The following AGBL4 variants were observed in gnomAD, a reference collection of about 807,000 sequenced individuals.
The protein encoded by AGBL4 is cytosolic carboxypeptidase 6.
AGBL4 carries 58 observed loss-of-function variants against 66.4 expected under a neutral mutation model. That is an observed-to-expected ratio of 0.87 (90% CI 0.71 to 1.09). The LOEUF is 1.09. AGBL4 is among the 50% of genes least tolerant of loss of function. AGBL4 has a pLI of 0.00. For synonymous variants in AGBL4, 234 were observed against 222.9 expected (o/e 1.05, Z -0.44); for missense variants, 579 against 631.0 (o/e 0.92, Z 0.88).
chr1:49,407,101 A>C (rs1438335447), intron 3 of AGBL4, among the ~76,000 whole-genome samples: 1 of 150,624 alleles, frequency 6.6e-6, no homozygotes, highest in Non-Finnish European at 1.5e-5. Context: ...AGAAAGGACA[A>C]ATTTTTTTCT....
At chr1:49,908,748 T>C (rs1650522138) in intron 1 of AGBL4, among the ~76,000 whole-genome samples, 2 of 152,054 alleles carry the variant, frequency 1.3e-5, no homozygotes. Context: ...GGTGACAGAA[T>C]GAGACCCTGT....
chr1:49,902,827 C>A (rs189626205), intron 1 of AGBL4, among the ~76,000 whole-genome samples: 1 of 152,218 alleles, frequency 6.6e-6, no homozygotes, highest in East Asian at 1.9e-4. Flanking sequence ...GTCAGAATGG[C>A]TATTATTTTT....
At chr1:48,614,542 T>C (rs910015296) in intron 9 of AGBL4, among the ~76,000 whole-genome samples, 1 of 152,212 alleles carries the variant, frequency 6.6e-6, no homozygotes, top group African/African-American at 2.4e-5. Context: ...CTAGAGAAGG[T>C]GCCTGCACAC....
At chr1:49,710,170 G>T (rs1267269306) in intron 2 of AGBL4, among the ~76,000 whole-genome samples, 1 of 152,136 alleles carries the variant, frequency 6.6e-6, no homozygotes, top group Non-Finnish European at 1.5e-5. Context: ...GTTCACAATA[G>T]CAAAGACTTG....
At chr1:49,577,730 T>G (rs1165398347) in intron 3 of AGBL4, among the ~76,000 whole-genome samples, 2 of 152,240 alleles carry the variant, frequency 1.3e-5, no homozygotes, top group Admixed American at 1.3e-4. Context: ...GCTCATGGAA[T>G]TCACTGGTCT....
intron 3 of AGBL4, among the ~76,000 whole-genome samples, chr1:49,625,173 A>C (rs1373409148): frequency 1.3e-5 from 2 of 152,132 alleles, no homozygotes; most frequent in Non-Finnish European, 2.9e-5. Context: ...AAGCCACATC[A>C]TTTAAGATTT....
chr1:48,633,584 TCA>T, intron 9 of AGBL4, among the ~76,000 whole-genome samples: 1 of 152,318 alleles, frequency 6.6e-6, no homozygotes, highest in Non-Finnish European at 1.5e-5. Flanking sequence ...AGCTCACAGC[TCA>T]CACACACATA....
intron 1 of AGBL4, among the ~76,000 whole-genome samples, chr1:49,904,291 T>C (rs1650055338): frequency 6.6e-6 from 1 of 152,156 alleles, no homozygotes; most frequent in South Asian, 2.1e-4. Flanking sequence ...ATGTTATAGG[T>C]GATGAAGCTG....
chr1:49,727,224 A>C (rs1411658348), intron 2 of AGBL4, among the ~76,000 whole-genome samples: 1 of 152,158 alleles, frequency 6.6e-6, no homozygotes, highest in Non-Finnish European at 1.5e-5. Flanking sequence ...ACAATGTATG[A>C]AGTAAAATTT....
At chr1:48,793,576 A>T (rs558517190) in intron 6 of AGBL4, among the ~76,000 whole-genome samples, 11 of 152,296 alleles carry the variant, frequency 7.2e-5, no homozygotes, top group Admixed American at 7.2e-4. Context: ...TGAATTTATT[A>T]AGAATGTAAT....
At chr1:49,754,884 T>C (rs1362340286) in intron 2 of AGBL4, among the ~76,000 whole-genome samples, 1 of 151,874 alleles carries the variant, frequency 6.6e-6, no homozygotes, top group Non-Finnish European at 1.5e-5. Flanking sequence ...CAGGGAAGAG[T>C]TAATGTTGCC....
At chr1:49,844,503 C>G (rs1006655340) in intron 2 of AGBL4, among the ~76,000 whole-genome samples, 4 of 151,808 alleles carry the variant, frequency 2.6e-5, no homozygotes, top group Admixed American at 2.6e-4. Flanking sequence ...TTTCCTCTTC[C>G]TTATTCTGTT....
chr1:49,288,042 T>G (rs1368225634), intron 3 of AGBL4, among the ~76,000 whole-genome samples: 15 of 134,728 alleles, frequency 1.1e-4, no homozygotes, highest in Non-Finnish European at 1.4e-4. Flanking sequence ...CCATAAAAAA[T>G]GATGAGTTCA....
At chr1:49,472,010 G>A (rs557615856) in intron 3 of AGBL4, 1 of 152,138 alleles carries the variant, frequency 6.6e-6, no homozygotes, top group East Asian at 1.9e-4. Context: ...GAAGAAATGA[G>A]GATCCCCTCC....
chr1:49,853,746 A>C (rs2148068382), intron 1 of AGBL4, among the ~76,000 whole-genome samples: 1 of 152,238 alleles, frequency 6.6e-6, no homozygotes, highest in East Asian at 1.9e-4. Flanking sequence ...TCTTTGAAAT[A>C]TATAAACTGT....
intron 9 of AGBL4, among the ~76,000 whole-genome samples, chr1:48,597,715 G>A (rs1479667133): frequency 8.1e-6 from 1 of 122,912 alleles, no homozygotes; most frequent in Non-Finnish European, 1.7e-5. Flanking sequence ...GGGGAGGAGA[G>A]AGGAGGGAAG....
At chr1:49,546,153 C>T (rs995335162) in intron 3 of AGBL4, among the ~76,000 whole-genome samples, 4 of 152,252 alleles carry the variant, frequency 2.6e-5, no homozygotes, top group African/African-American at 2.4e-5. Context: ...TTCTGAGTTA[C>T]TTCACTTAGA....
chr1:49,933,014 G>A (rs1477754023), intron 1 of AGBL4, among the ~76,000 whole-genome samples: 1 of 152,024 alleles, frequency 6.6e-6, no homozygotes, highest in Non-Finnish European at 1.5e-5. Context: ...AGGAAGAATA[G>A]GGTTCAAATA....
At chr1:49,411,629 T>G (rs1645316889) in intron 3 of AGBL4, among the ~76,000 whole-genome samples, 1 of 152,234 alleles carries the variant, frequency 6.6e-6, no homozygotes, top group East Asian at 1.9e-4. Flanking sequence ...AAGAAATATA[T>G]GGAATAAAAA....
Sources: allele counts gnomAD v4.1 joint callset (sites outside exome capture counted in the v4.1 genomes callset), GRCh38; gene constraint gnomAD v4.1.1; transcripts MANE v1.5; gene names NCBI Gene and HGNC (gene_info 2026-07-23, HGNC 2026-07-21).